The following HK1 variants were observed in gnomAD, a reference collection of about 807,000 sequenced individuals.
HK1 encodes the protein hexokinase-1.
A neutral mutation model predicts 91.6 loss-of-function variants in HK1; 28 were observed. The observed-to-expected ratio is 0.31, with a 90% CI of 0.23 to 0.42. HK1 has a LOEUF of 0.42. Ranked by LOEUF, HK1 falls within the 10% of genes least tolerant of loss-of-function variation. The pLI is 1.00. For missense variants in HK1, 770 were observed against 1,219.8 expected (o/e 0.63, Z 5.49); for synonymous variants, 430 against 468.1 (o/e 0.92, Z 1.05).
intron 1 of HK1, among the ~76,000 whole-genome samples, chr10:69,325,973 T>G (rs1299841210): frequency 6.6e-6 from 1 of 151,734 alleles, no homozygotes; most frequent in Non-Finnish European, 1.5e-5. Context: ...TAGCTGGGAT[T>G]ACAGGTGCCT....
chr10:69,339,928 A>G (rs1415572398), intron 1 of HK1, among the ~76,000 whole-genome samples: 3 of 152,224 alleles, frequency 2.0e-5, no homozygotes, highest in Non-Finnish European at 4.4e-5. Context: ...TGTGTCTGTA[A>G]AATGGGGATT....
At position 69,318,942 on chromosome 10, in the gene HK1, G is replaced by T. The variant is rs781029233; in HGVS notation, c.-6G>T. ...CGCCTGCCGCCCCGCGACCCCGACC[G>T]CCAGCATGATCGCCGCGCAGCTCCT... On this transcript the variant is annotated 5_prime_UTR_variant, in exon 1 of 18. Transcript: ENST00000359426. The T allele has an allele frequency of 1.3e-6, 2 of 1,590,160 alleles. No individual in the cohort carries two copies. The highest frequency in any genetic ancestry group is 1.1e-5 in the South Asian group (1 of 87,814).
At chr10:69,354,698 C>G (rs368267221) in intron 2 of HK1, among the ~76,000 whole-genome samples, 3 of 152,228 alleles carry the variant, frequency 2.0e-5, no homozygotes, top group Admixed American at 6.5e-5. Flanking sequence ...AGCTAATGAG[C>G]ATTTGCTGAG....
At chr10:69,284,160 A>G (rs114657926) in intron 2 of HK1, among the ~76,000 whole-genome samples, 241 of 152,206 alleles carry the variant, frequency 1.6e-3, no homozygotes, top group African/African-American at 5.7e-3. Context: ...CAGTTGAGGG[A>G]CAGTGTGCAA....
chr10:69,360,620 T>C (rs1020817933), intron 3 of HK1, among the ~76,000 whole-genome samples: 24 of 152,168 alleles, frequency 1.6e-4, no homozygotes, highest in African/African-American at 5.5e-4. Flanking sequence ...TACACTCCTG[T>C]TGGGGCTCCC....
At chr10:69,309,322 C>G (rs940587219) in intron 5 of HK1, among the ~76,000 whole-genome samples, 8 of 150,690 alleles carry the variant, frequency 5.3e-5, no homozygotes, top group African/African-American at 1.9e-4. Context: ...GCTGGAACTA[C>G]AGGCACCCGC....
intron 1 of HK1, among the ~76,000 whole-genome samples, chr10:69,331,544 C>G (rs1384910391): frequency 6.6e-6 from 1 of 152,236 alleles, no homozygotes; most frequent in African/African-American, 2.4e-5. Context: ...TCAAAAATTT[C>G]ATGTGACACA....
At chr10:69,301,527 T>C (rs967197843) in intron 5 of HK1, among the ~76,000 whole-genome samples, 14 of 124,208 alleles carry the variant, frequency 1.1e-4, no homozygotes, top group African/African-American at 4.2e-4. Context: ...TGAGCTGAGA[T>C]CACACCAGTG....
chr10:69,367,250 T>G (rs1849755574), intron 4 of HK1, among the ~76,000 whole-genome samples: 1 of 152,178 alleles, frequency 6.6e-6, no homozygotes, highest in Non-Finnish European at 1.5e-5. Context: ...GTACTTGCTG[T>G]GGCGCCAGTG....
intron 5 of HK1, among the ~76,000 whole-genome samples, chr10:69,304,182 T>C (rs549888920): frequency 1.8e-4 from 27 of 152,324 alleles, no homozygotes; most frequent in African/African-American, 6.5e-4. Context: ...TTTTTGCTAA[T>C]TTGTTAGTCC....
chr10:69,368,409 T>A lies in HK1; in HGVS notation c.496-127T>A, dbSNP rs1849816854. 23 of 765,470 alleles carry A rather than the reference T, an allele frequency of 3.0e-5. No homozygotes were observed. In the South Asian group the frequency reaches 3.2e-4, roughly 11 times the overall value. The allele number at this position is 765,470 out of a possible 1,614,324, so 47.4% of individuals were successfully genotyped here. A position where few individuals can be genotyped will look rare whatever the true frequency, so the allele number is the denominator to read the frequency against. On this transcript the variant is annotated intron_variant, in intron 4 of 17. Transcript: ENST00000359426. ...TCTGGGCCCCTCCCCAAGCCCAGTG[T>A]GATCTGGGAGGAGCCACTTGGCCCC...
chr10:69,286,605 A>G (rs967656144), intron 2 of HK1, among the ~76,000 whole-genome samples: 7 of 151,460 alleles, frequency 4.6e-5, no homozygotes, highest in Non-Finnish European at 8.8e-5. Flanking sequence ...CTGGAGTGCA[A>G]TGGTGCAATC....
intron 3 of HK1, among the ~76,000 whole-genome samples, chr10:69,293,173 T>C (rs538473502): frequency 6.6e-6 from 1 of 152,290 alleles, no homozygotes; most frequent in Non-Finnish European, 1.5e-5. Flanking sequence ...TGTGGGGACG[T>C]TTATCAACTC....
chr10:69,319,068 G>A, intron 1 of HK1, 58 bp downstream of exon 1: 3 of 1,546,044 alleles, frequency 1.9e-6, no homozygotes, highest in Non-Finnish European at 2.6e-6. Context: ...TCCGGCATCC[G>A]CTCGCCGCCT....
chr10:69,317,982 G>A, upstream of HK1: 1 of 907,714 alleles, frequency 1.1e-6, no homozygotes, highest in Non-Finnish European at 1.3e-6. Flanking sequence ...GGGAAGGGGC[G>A]CTGAACCGTG....
chr10:69,401,147 C>T lies in HK1; in HGVS notation c.*12C>T, dbSNP rs1413540576. 1 of 1,611,772 alleles carries T rather than the reference C, an allele frequency of 6.2e-7. No individual in the cohort carries two copies. Among genetic ancestry groups the T allele is most frequent in the East Asian group, 2.2e-5 (1 of 44,832 alleles). ...AGGCAAGCAGCTAAGAGTCCGGGAT[C>T]CCCAGCCTACTGCCTCTCCAGCACT... On this transcript the variant is annotated 3_prime_UTR_variant, in exon 18 of 18. Transcript: ENST00000359426.
intron 16 of HK1, among the ~76,000 whole-genome samples, chr10:69,397,063 A>G (rs554319218): frequency 6.6e-6 from 1 of 152,310 alleles, no homozygotes; most frequent in South Asian, 2.1e-4. Flanking sequence ...TCATCCATCC[A>G]TGGACACTTG....
In HK1 at chr10:69,401,162, T is replaced by C. The variant is rs1359116910; in HGVS notation, c.*27T>C. On this transcript the variant is annotated 3_prime_UTR_variant, in exon 18 of 18. Coordinates refer to ENST00000359426, the MANE Select transcript of HK1 (RefSeq NM_000188.3). ...AGTCCGGGATCCCCAGCCTACTGCC[T>C]CTCCAGCACTTCTCTCTTCAAGCGG... 3 of 1,607,644 alleles carry C rather than the reference T, an allele frequency of 1.9e-6. No individual in the cohort carries two copies. Among genetic ancestry groups the C allele is most frequent in the African/African-American group, 2.7e-5 (2 of 74,772 alleles).
intron 16 of HK1, among the ~76,000 whole-genome samples, chr10:69,398,128 A>G (rs1259576251): frequency 6.6e-6 from 1 of 152,248 alleles, no homozygotes; most frequent in African/African-American, 2.4e-5. Context: ...TCTTTATAAT[A>G]GCAGAAAATT....
Sources: allele counts gnomAD v4.1 joint callset (sites outside exome capture counted in the v4.1 genomes callset), GRCh38; gene constraint gnomAD v4.1.1; transcripts MANE v1.5; gene names NCBI Gene and HGNC (gene_info 2026-07-23, HGNC 2026-07-21).